The following DZIP3 variants were observed in gnomAD, a reference collection of about 807,000 sequenced individuals.
DZIP3 encodes E3 ubiquitin-protein ligase DZIP3.
A neutral mutation model predicts 162.0 loss-of-function variants in DZIP3; 118 were observed. The observed-to-expected ratio is 0.73, with a 90% CI of 0.63 to 0.85. The LOEUF (loss-of-function observed/expected upper bound fraction) is 0.85. Ranked by LOEUF, DZIP3 falls within the 40% of genes least tolerant of loss-of-function variation. DZIP3 has a pLI of 0.00. For missense variants in DZIP3, 1,331 were observed against 1,407.0 expected, an observed-to-expected ratio of 0.95 and a Z score of 0.86; for synonymous variants, 438 against 458.6, an observed-to-expected ratio of 0.96 and a Z score of 0.57.
At position 108,675,678 on chromosome 3, in the gene DZIP3, A is replaced by G. The variant is rs1018265929; in HGVS notation, c.2694-108A>G. 4 of 791,116 alleles carry G rather than the reference A, an allele frequency of 5.1e-6. No individual in the cohort carries two copies. The African/African-American group carries it at 7.3e-5, about 14-fold the overall frequency. The allele number at this position is 791,116 out of a possible 1,614,324, so 49.0% of individuals were successfully genotyped here. On this transcript the variant is annotated intron_variant, in intron 24 of 32. Coordinates refer to ENST00000361582, the MANE Select transcript of DZIP3 (RefSeq NM_014648.4). ...GAAGTAATTGTTGGTGATGGGGGTA[A>G]TTTTGTTTTTTGTTGACATATATGC...
rs544160323 is a variant in DZIP3 at position 108,677,630 on chromosome 3, T to C, written c.2883+32T>C. 18 of 1,579,256 alleles carry C rather than the reference T, an allele frequency of 1.1e-5. No individual in the cohort carries two copies. In the East Asian group the frequency reaches 3.8e-4, roughly 33 times the overall value. ...AATACAACATTTTGAATAATTGCCC[T>C]TTTCATTTTGACAAAATGGTAAGGG... On this transcript the variant is annotated intron_variant, in intron 26 of 32. Coordinates refer to ENST00000361582, the MANE Select transcript of DZIP3 (RefSeq NM_014648.4).
Position 108,644,681 on chromosome 3 carries a change from T to A in DZIP3, c.1659T>A (p.Asn553Lys). The change falls in exon 14 of 33, where the codon AAT becomes AAA. Residue 553 changes from asparagine to lysine, a missense_variant. Physicochemically the swap from Asn to Lys is moderately conservative, Grantham distance 94 (BLOSUM62 0). This residue lies in a region of DZIP3 where 1,278 missense variants were observed against 1,317.1 expected (regional missense o/e 0.97). Transcript: ENST00000361582. ...MQEDIDKVKE[N>K]PIENISLDYH... ...AGGATATTGACAAAGTGAAGGAGAATCCCATTGAGAATATCTCCCTTGATT... is the reference window on the plus strand; with the variant it reads ...AGGATATTGACAAAGTGAAGGAGAAACCCATTGAGAATATCTCCCTTGATT... 2 of 1,613,776 alleles carry A rather than the reference T, an allele frequency of 1.2e-6. No homozygotes were observed. Among genetic ancestry groups the A allele is most frequent in the Non-Finnish European group, 1.7e-6 (2 of 1,179,914 alleles).
chr3:108,660,286 CAG>C (rs1176536801), intron 19 of DZIP3, among the ~76,000 whole-genome samples: 1 of 152,180 alleles, frequency 6.6e-6, no homozygotes. Context: ...GGTACCAAAA[CAG>C]AGATATAGAC....
chr3:108,648,372 TA>T, intron 16 of DZIP3: 1 of 273,854 alleles, frequency 3.7e-6, no homozygotes. Context: ...TATGTTTTTT[TA>T]ATCCCAGTTG....
intron 12 of DZIP3, among the ~76,000 whole-genome samples, chr3:108,641,087 T>C (rs1942380858): frequency 6.6e-6 from 1 of 152,096 alleles, no homozygotes; most frequent in African/African-American, 2.4e-5. Flanking sequence ...TACCCTTTTT[T>C]AGTGGTTGCT....
intron 27 of DZIP3, among the ~76,000 whole-genome samples, 200 bp downstream of exon 27, chr3:108,684,541 G>A (rs559143745): frequency 6.6e-6 from 1 of 152,000 alleles, no homozygotes; most frequent in South Asian, 2.1e-4. Context: ...GCTTCGTTTT[G>A]GGATACAAAG....
At chr3:108,632,015 A>C (rs953261352) in intron 8 of DZIP3, among the ~76,000 whole-genome samples, 1 of 151,880 alleles carries the variant, frequency 6.6e-6, no homozygotes, top group Non-Finnish European at 1.5e-5. Context: ...AATTTTCTCA[A>C]CTTTGTCCTC....
At chr3:108,640,393 TAC>T (rs919972123) in intron 12 of DZIP3, among the ~76,000 whole-genome samples, 1 of 137,164 alleles carries the variant, frequency 7.3e-6, no homozygotes, top group African/African-American at 3.0e-5. Flanking sequence ...CTAGAATTGT[TAC>T]CTTTTTTTTT....
At chr3:108,651,441 T>C (rs1429397209) in intron 18 of DZIP3, among the ~76,000 whole-genome samples, 5 of 151,720 alleles carry the variant, frequency 3.3e-5, no homozygotes, top group African/African-American at 1.2e-4. Context: ...GTCTACATTG[T>C]AGTTACACTG....
chr3:108,618,415 G>C (rs750528192), intron 5 of DZIP3, among the ~76,000 whole-genome samples: 1 of 152,042 alleles, frequency 6.6e-6, no homozygotes, highest in South Asian at 2.1e-4. Context: ...TATTCTAAGC[G>C]CTTTGTAAAA....
rs1942704453 is a variant in DZIP3 at position 108,647,996 on chromosome 3, A to G, written c.1846A>G (p.Met616Val). 1 of 1,606,204 alleles carries G rather than the reference A, an allele frequency of 6.2e-7. No individual in the cohort carries two copies. Among genetic ancestry groups the G allele is most frequent in the Middle Eastern group, 1.7e-4 (1 of 6,014 alleles). ...NEEEELSPPL[M>V]EYNINVKSHP... ...GGAAGAAGAACTAAGTCCACCTCTCATGGAGTACAATATAAATGTGAAATC... is the reference window on the plus strand; with the variant it reads ...GGAAGAAGAACTAAGTCCACCTCTCGTGGAGTACAATATAAATGTGAAATC... The change falls in exon 16 of 33, where the codon ATG becomes GTG. Residue 616 changes from methionine (M) to valine (V), a missense_variant. Around this residue, in one of 2 missense-constraint regions of DZIP3, gnomAD observed 1,278 missense variants for 1,317.1 expected, o/e 0.97. Transcript: ENST00000361582.
At chr3:108,642,353 C>A in intron 12 of DZIP3, 85 bp from the exon 13 acceptor site, 1 of 1,326,546 alleles carries the variant, frequency 7.5e-7, no homozygotes, top group South Asian at 1.4e-5. Flanking sequence ...TGAAAATACT[C>A]ACTTAGCCAT....
At chr3:108,656,895 G>A (rs990886687) in intron 19 of DZIP3, among the ~76,000 whole-genome samples, 8 of 152,056 alleles carry the variant, frequency 5.3e-5, no homozygotes, top group African/African-American at 1.7e-4. Context: ...TATCAGTGAC[G>A]GAAGATCAAA....
intron 14 of DZIP3, among the ~76,000 whole-genome samples, chr3:108,645,669 C>G (rs982504411): frequency 2.5e-4 from 38 of 152,264 alleles, no homozygotes; most frequent in East Asian, 1.9e-4. Flanking sequence ...CACACTGATG[C>G]TATATAAACA....
rs549237088 is a variant in DZIP3 at position 108,646,612 on chromosome 3, T to C, written c.1760-5T>C. On this transcript the variant is annotated splice_polypyrimidine_tract_variant and splice_region_variant and intron_variant, in intron 14 of 32. Transcript: ENST00000361582. ...ACATCTAAAATTTTTCTTTATGTAT[T>C]ATAGGAATTGCTCTACAGTCAATAA... is the stretch of plus-strand genomic sequence containing the variant. 5 of 1,578,876 alleles carry C rather than the reference T, an allele frequency of 3.2e-6. No individual in the cohort carries two copies. Among genetic ancestry groups the C allele is most frequent in the African/African-American group, 1.4e-5 (1 of 72,840 alleles).
chr3:108,612,254 T>C (rs1940753073), intron 4 of DZIP3, among the ~76,000 whole-genome samples: 1 of 152,180 alleles, frequency 6.6e-6, no homozygotes, highest in Non-Finnish European at 1.5e-5. Flanking sequence ...TTTGTCTTTC[T>C]ATGAAAGAAT....
intron 4 of DZIP3, among the ~76,000 whole-genome samples, chr3:108,613,093 C>CAT: frequency 1.3e-5 from 2 of 152,094 alleles, no homozygotes; most frequent in Admixed American, 1.3e-4. Context: ...ATCAATACTG[C>CAT]ATATTAAAAC....
At chr3:108,632,212 T>G (rs1038856731) in intron 8 of DZIP3, among the ~76,000 whole-genome samples, 3 of 152,124 alleles carry the variant, frequency 2.0e-5, no homozygotes, top group African/African-American at 7.2e-5. Context: ...TAATCAGCAT[T>G]TCATTTATTT....
chr3:108,688,259 C>T (rs895612631), intron 29 of DZIP3, among the ~76,000 whole-genome samples, 163 bp downstream of exon 29: 2 of 152,102 alleles, frequency 1.3e-5, no homozygotes, highest in African/African-American at 4.8e-5. Flanking sequence ...CAAATGATAT[C>T]AGAAGTCTTT....
Sources: allele counts gnomAD v4.1 joint callset (sites outside exome capture counted in the v4.1 genomes callset), GRCh38; gene constraint gnomAD v4.1.1; regional missense constraint gnomAD v4.1.1; transcripts MANE v1.5; gene names NCBI Gene and HGNC (gene_info 2026-07-23, HGNC 2026-07-21).